The following FSTL5 variants were observed in gnomAD, a reference collection of about 807,000 sequenced individuals.
The protein encoded by FSTL5 is follistatin-related protein 5.
In FSTL5, 62 loss-of-function variants were observed where a neutral mutation model predicts 89.1. The observed-to-expected ratio is 0.70, with a 90% confidence interval of 0.57 to 0.86. The LOEUF is 0.86. Ranked by LOEUF, FSTL5 falls within the 40% of genes least tolerant of loss-of-function variation. The pLI, the probability that FSTL5 is intolerant of heterozygous loss-of-function variation, is 0.00. For synonymous variants in FSTL5, 383 were observed against 346.2 expected, an observed-to-expected ratio of 1.11 and a Z score of -1.18; for missense variants, 1,057 against 1,001.6, an observed-to-expected ratio of 1.06 and a Z score of -0.75.
intron 13 of FSTL5, among the ~76,000 whole-genome samples, chr4:161,477,368 A>G (rs947002022): frequency 7.3e-5 from 11 of 150,456 alleles, no homozygotes; most frequent in Admixed American, 2.6e-4. Flanking sequence ...TTTCATTGTC[A>G]TCTTAAATCT....
At chr4:161,499,382 G>A (rs72988962) in intron 12 of FSTL5, among the ~76,000 whole-genome samples, 3,409 of 152,088 alleles carry the variant, frequency 0.022, 130 homozygotes, top group African/African-American at 0.078. Flanking sequence ...GGAGGAAACT[G>A]ACCTCCTGGT....
At chr4:162,006,439 G>A (rs1252233984) in intron 3 of FSTL5, among the ~76,000 whole-genome samples, 2 of 151,878 alleles carry the variant, frequency 1.3e-5, no homozygotes, top group Admixed American at 6.6e-5. Context: ...ATGATAAACA[G>A]ATAAATGAGT....
chr4:161,479,449 A>G (rs1238233240), intron 13 of FSTL5, among the ~76,000 whole-genome samples: 1 of 152,110 alleles, frequency 6.6e-6, no homozygotes, highest in Non-Finnish European at 1.5e-5. Context: ...TTGAAAACTC[A>G]ATTTAAAAAC....
At chr4:161,825,197 T>C (rs553457481) in intron 4 of FSTL5, among the ~76,000 whole-genome samples, 8 of 152,340 alleles carry the variant, frequency 5.3e-5, no homozygotes, top group African/African-American at 1.7e-4. Flanking sequence ...ATCACATTTA[T>C]TGATTGTGTA....
intron 12 of FSTL5, among the ~76,000 whole-genome samples, chr4:161,493,124 T>C (rs1036377884): frequency 2.5e-4 from 38 of 151,916 alleles, no homozygotes; most frequent in African/African-American, 8.4e-4. Context: ...CAGAAACTTA[T>C]AGTTAAATGA....
intron 3 of FSTL5, among the ~76,000 whole-genome samples, chr4:162,031,650 G>A (rs188528866): frequency 3.9e-5 from 6 of 152,134 alleles, no homozygotes; most frequent in Admixed American, 3.9e-4. Flanking sequence ...AAAGCCAGGA[G>A]TCTAGGGCCG....
chr4:162,108,717 C>A (rs1731323485), intron 2 of FSTL5, among the ~76,000 whole-genome samples: 1 of 151,226 alleles, frequency 6.6e-6, no homozygotes, highest in Non-Finnish European at 1.5e-5. Context: ...AAGTATTGTG[C>A]TGCTGTTGAC....
chr4:162,128,975 G>A (rs1022179968), intron 1 of FSTL5, among the ~76,000 whole-genome samples: 6 of 148,148 alleles, frequency 4.1e-5, no homozygotes, highest in African/African-American at 1.3e-4. Context: ...AGGCTGGAGC[G>A]CAGTGGCGCC....
At chr4:161,944,760 G>T (rs1442303196) in intron 3 of FSTL5, among the ~76,000 whole-genome samples, 1 of 151,628 alleles carries the variant, frequency 6.6e-6, no homozygotes, top group African/African-American at 2.4e-5. Flanking sequence ...TGTAATTTTT[G>T]ATATTACTAG....
rs1274503840 is a variant in FSTL5 at position 161,403,315 on chromosome 4, GTGTT to G, written c.1842-16870_1842-16867del. On this transcript the variant is annotated intron_variant, in intron 15 of 15. Transcript: ENST00000306100. ...ACTAACACCATTTTTGTGTGTGTGT[GTGTT>G]TGTTTGTTTTCTAACGAAAAAACAA... Among the ~76,000 whole-genome samples, 13 of 152,158 alleles carry G rather than the reference GTGTT, an allele frequency of 8.5e-5. No homozygotes were observed. In the East Asian group the frequency reaches 1.4e-3, roughly 16 times the overall value.
intron 7 of FSTL5, among the ~76,000 whole-genome samples, chr4:161,633,330 C>A (rs1411961024): frequency 1.2e-5 from 1 of 80,296 alleles, no homozygotes; most frequent in South Asian, 4.5e-4. Flanking sequence ...TATTATTATA[C>A]TTTACATTTT....
intron 15 of FSTL5, among the ~76,000 whole-genome samples, chr4:161,419,077 T>C (rs976509936): frequency 6.6e-6 from 1 of 152,164 alleles, no homozygotes; most frequent in African/African-American, 2.4e-5. Flanking sequence ...CAATCACATT[T>C]CAATCTATTT....
At chr4:161,755,662 G>C (rs1224556515) in intron 6 of FSTL5, among the ~76,000 whole-genome samples, 1 of 151,994 alleles carries the variant, frequency 6.6e-6, no homozygotes, top group African/African-American at 2.4e-5. Flanking sequence ...TTCCTTTTTA[G>C]TCTTAATACA....
intron 6 of FSTL5, among the ~76,000 whole-genome samples, chr4:161,695,844 A>G (rs914860588): frequency 1.3e-5 from 2 of 152,028 alleles, no homozygotes; most frequent in African/African-American, 4.8e-5. Context: ...AGTTCCTTAT[A>G]GATTCTGAAT....
chr4:162,072,954 A>T (rs1729689030), intron 2 of FSTL5, among the ~76,000 whole-genome samples: 1 of 151,722 alleles, frequency 6.6e-6, no homozygotes, highest in African/African-American at 2.4e-5. Context: ...CAACTAGGAA[A>T]TTGACTATTG....
intron 3 of FSTL5, among the ~76,000 whole-genome samples, chr4:162,006,067 T>C (rs1736606713): frequency 6.6e-6 from 1 of 152,078 alleles, no homozygotes; most frequent in Non-Finnish European, 1.5e-5. Context: ...TTATCAACTT[T>C]CATTGCATAA....
At chr4:161,779,773 ATG>A (rs199996596) in intron 4 of FSTL5, among the ~76,000 whole-genome samples, 14,136 of 62,384 alleles carry the variant, frequency 0.23, 2,221 homozygotes, top group Non-Finnish European at 0.32. Context: ...ATATATATAT[ATG>A]TATATATATA....
intron 7 of FSTL5, among the ~76,000 whole-genome samples, chr4:161,598,592 G>A (rs1228370286): frequency 6.6e-6 from 1 of 151,972 alleles, no homozygotes; most frequent in East Asian, 1.9e-4. Context: ...AGTGTCTCTG[G>A]AAACAACCAA....
chr4:162,130,096 T>C (rs1282418308), intron 1 of FSTL5, among the ~76,000 whole-genome samples: 1 of 152,118 alleles, frequency 6.6e-6, no homozygotes, highest in Non-Finnish European at 1.5e-5. Flanking sequence ...AGCAACGAAG[T>C]GGAGGTCTTG....
Sources: gnomAD v4.1 joint callset for allele counts (sites outside exome capture counted in the v4.1 genomes callset) on GRCh38, gnomAD v4.1.1 for gene constraint, MANE v1.5 for transcripts, NCBI Gene and HGNC (gene_info 2026-07-23, HGNC 2026-07-21) for gene names.